LARP7: variants seen among roughly 807,000 people sequenced by gnomAD.
LARP7 encodes La ribonucleoprotein 7, transcriptional regulator, also known as la-related protein 7.
In LARP7, 52 loss-of-function variants were observed where a neutral mutation model predicts 69.3. The ratio of observed to expected loss-of-function variants is 0.75; its 90% CI spans 0.60 to 0.95. The LOEUF is 0.95. Ranked by LOEUF, LARP7 falls within the 40% of genes least tolerant of loss-of-function variation. The pLI, the probability that LARP7 is intolerant of heterozygous loss-of-function variation, is 0.00. For missense variants in LARP7, 733 were observed against 673.0 expected (o/e 1.09, Z -0.99); for synonymous variants, 254 against 215.9 (o/e 1.18, Z -1.55).
rs2048816834 is a variant in LARP7 at position 112,653,079 on chromosome 4, T to C, written c.1419T>C (p.Asp473=). 6.3e-7 allele frequency: 1 copy of C among 1,584,690 alleles called. No individual in the cohort carries two copies. Among genetic ancestry groups the C allele is most frequent in the African/African-American group, 1.4e-5 (1 of 72,850 alleles). The change falls in exon 11 of 13, where the codon GAT becomes GAC. Residue 473 remains aspartate, a splice_region_variant and synonymous_variant. Transcript: ENST00000344442. ...EPLPGRKQVR[D]TLAAISEVLY... ...CTTTCTACTTAACTCTAATGCAGGA[T>C]ACTTTGGCAGCAATCTCAGAAGTTC...
intron 8 of LARP7, 90 bp from the exon 9 acceptor site, chr4:112,649,445 C>T: frequency 3.7e-6 from 4 of 1,094,212 alleles, no homozygotes; most frequent in Non-Finnish European, 5.1e-6. Context: ...GGAGGAGTTG[C>T]TCCAAGTCAT....
rs759497392 is a variant in LARP7, at chr4:112,650,515, A to G, written c.1349A>G (p.Gln450Arg). 1 of 1,613,660 alleles carries G rather than the reference A, an allele frequency of 6.2e-7. No homozygotes were observed. Among genetic ancestry groups the G allele is most frequent in the African/African-American group, 1.3e-5 (1 of 74,888 alleles). ...GAGAAAGTTAATGCAACAGGACCAC[A>G]GTTCGTGAGTGGAGTGATTGTGAAG... ...TQEKVNATGP[Q>R]FVSGVIVKII... Residue 450 changes from glutamine (Q) to arginine (R), a missense_variant, in exon 10 of 13, where the codon CAG (glutamine) becomes CGG (arginine). Transcript: ENST00000344442.
intron 1 of LARP7, among the ~76,000 whole-genome samples, chr4:112,643,646 G>C (rs914798305): frequency 6.6e-6 from 1 of 152,058 alleles, no homozygotes; most frequent in Non-Finnish European, 1.5e-5. Flanking sequence ...TCAGGAGTTC[G>C]AGACCAGCCT....
At position 112,647,286 on chromosome 4, in the gene LARP7, A is replaced by C. The variant is rs61602805; in HGVS notation, c.734A>C (p.Asn245Thr). The part of the protein sequence containing the change: ...QAKEENMDTS[N>T]TSISKMKRSR... ...AAAGAAGAAAACATGGACACAAGCA[A>C]CACCAGCATCAGTAAAATGAAAAGA... Residue 245 changes from asparagine to threonine, a missense_variant, in exon 7 of 13, where the codon AAC becomes ACC. Physicochemically the swap from Asn to Thr is moderately conservative, Grantham distance 65. Transcript: ENST00000344442. 6.2e-7 allele frequency: 1 copy of C among 1,613,916 alleles called. No homozygotes were observed. The highest frequency in any genetic ancestry group is 8.5e-7 in the Non-Finnish European group (1 of 1,180,024).
At chr4:112,642,686 A>G (rs753156110) in intron 1 of LARP7, among the ~76,000 whole-genome samples, 11 of 152,226 alleles carry the variant, frequency 7.2e-5, no homozygotes, top group Non-Finnish European at 1.2e-4. Flanking sequence ...ATTTACCCAT[A>G]TCTAGCAATT....
chr4:112,647,673 T>G lies in LARP7; in HGVS notation c.998-17T>G. 1 of 1,507,216 alleles carries G rather than the reference T, an allele frequency of 6.6e-7. No individual in the cohort carries two copies. Among genetic ancestry groups the G allele is most frequent in the Non-Finnish European group, 8.8e-7 (1 of 1,132,224 alleles). 93.4% of individuals were successfully genotyped at this position (1,507,216 alleles called of 1,614,324 possible). A position where few individuals can be genotyped will look rare whatever the true frequency, so the allele number is the denominator to read the frequency against. ...CAGCCCCATGTCTTAACGGAGAGCT[T>G]TTTTATTTATTTCAAGATATAGAAA... On this transcript the variant is annotated splice_polypyrimidine_tract_variant and intron_variant, in intron 7 of 12. Transcript: ENST00000344442.
At chr4:112,654,715 C>T (rs1029089694) in intron 12 of LARP7, 6 of 152,260 alleles carry the variant, frequency 3.9e-5, no homozygotes, top group African/African-American at 1.4e-4. Context: ...AGTGGAATCA[C>T]ACCTGGGAAT....
At chr4:112,648,576 C>CT (rs775067262) in intron 8 of LARP7, 1 of 510,830 alleles carries the variant, frequency 2.0e-6, no homozygotes, top group Non-Finnish European at 4.1e-6. Context: ...CATACAACTT[C>CT]TTTGGACTTC....
Position 112,647,244 on chromosome 4 carries a change from A to G in LARP7, c.692A>G (p.Glu231Gly). 1 of 1,602,830 alleles carries G rather than the reference A, an allele frequency of 6.2e-7. No individual in the cohort carries two copies. The highest frequency in any genetic ancestry group is 1.1e-5 in the South Asian group (1 of 88,642). The change falls in exon 7 of 13, where the codon GAA becomes GGA. Residue 231 changes from glutamate to glycine, a missense_variant. Coordinates refer to ENST00000344442, the MANE Select transcript of LARP7 (RefSeq NM_016648.4). ...AAGAAGAAAGGCCGAATGAAAAAGG[A>G]AGACAATATCCAAGCCAAAGAAGAA... is the stretch of plus-strand genomic sequence containing the variant. The part of the protein sequence containing the change: ...KKKKKGRMKK[E>G]DNIQAKEENM...
intron 3 of LARP7, 24 bp from the exon 4 acceptor site, chr4:112,646,564 T>C: frequency 1.4e-6 from 2 of 1,393,032 alleles, no homozygotes; most frequent in African/African-American, 1.5e-5. Flanking sequence ...ATTAGTTTTA[T>C]TAATGTAATA....
At chr4:112,648,412 C>T in intron 8 of LARP7, 1 of 534,556 alleles carries the variant, frequency 1.9e-6, no homozygotes, top group Non-Finnish European at 3.8e-6. Flanking sequence ...CAGCAGGTAC[C>T]CCCATGTTAA....
At chr4:112,640,867 T>C (rs1459718522) in intron 1 of LARP7, among the ~76,000 whole-genome samples, 1 of 152,142 alleles carries the variant, frequency 6.6e-6, no homozygotes, top group Non-Finnish European at 1.5e-5. Flanking sequence ...TGCAGAGACC[T>C]AAGTGAACAA....
intron 2 of LARP7, 45 bp downstream of exon 2, chr4:112,644,916 C>A: frequency 1.3e-6 from 1 of 788,128 alleles, no homozygotes; most frequent in Non-Finnish European, 1.9e-6. Context: ...ATATGGTTGC[C>A]TTTAAATTTA....
In LARP7 at chr4:112,646,522, TTA is replaced by T. The variant is rs555710330; in HGVS notation, c.304-62_304-61del. ...ATAAAGAATGTTAACGTAATGATTA[TTA>T]TATGATTATAGCTTACAATTATAAA... On this transcript the variant is annotated intron_variant, in intron 3 of 12. Transcript: ENST00000344442. 2.0e-4 allele frequency: 251 copies of T among 1,250,256 alleles called. No individual in the cohort carries two copies. The African/African-American group carries it at 2.1e-3, about 10-fold the overall frequency. 77.4% of individuals were successfully genotyped at this position (1,250,256 alleles called of 1,614,324 possible).
intron 9 of LARP7, chr4:112,650,047 T>C (rs1284386960): frequency 5.4e-6 from 1 of 184,918 alleles, no homozygotes; most frequent in Non-Finnish European, 1.1e-5. Context: ...AAAGCAGAAT[T>C]CCTATGAATT....
chr4:112,649,464 T>C (rs1321445426), intron 8 of LARP7, 71 bp from the exon 9 acceptor site: 2 of 1,257,972 alleles, frequency 1.6e-6, no homozygotes, highest in Non-Finnish European at 2.2e-6. Context: ...ATTGTGAATG[T>C]ATATATTTAG....
chr4:112,655,057 T>C (rs779853825), intron 12 of LARP7, among the ~76,000 whole-genome samples: 12 of 152,030 alleles, frequency 7.9e-5, no homozygotes, highest in Non-Finnish European at 1.5e-4. Flanking sequence ...AACCTTCTTC[T>C]ACCATTGCCC....
chr4:112,645,379 G>A (rs1348288258), intron 2 of LARP7, among the ~76,000 whole-genome samples: 1 of 152,098 alleles, frequency 6.6e-6, no homozygotes, highest in Non-Finnish European at 1.5e-5. Flanking sequence ...TATTAAATAA[G>A]CAATTTCAAA....
At chr4:112,648,587 A>ACTTCTTTG (rs2048512502) in intron 8 of LARP7, 1 of 499,290 alleles carries the variant, frequency 2.0e-6, no homozygotes, top group African/African-American at 2.0e-5. Flanking sequence ...TTTGGACTTC[A>ACTTCTTTG]GAGTATTTAG....
Sources: gnomAD v4.1 joint callset for allele counts (sites outside exome capture counted in the v4.1 genomes callset) on GRCh38, gnomAD v4.1.1 for gene constraint, MANE v1.5 for transcripts, NCBI Gene and HGNC (gene_info 2026-07-23, HGNC 2026-07-21) for gene names.